Variants in ATXN1 observed in about 807,000 individuals in gnomAD.
ATXN1 encodes the protein ataxin-1.
In ATXN1, 8 loss-of-function variants were observed where a neutral mutation model predicts 56.4. That is an observed-to-expected ratio of 0.14 (90% confidence interval 0.08 to 0.26). The LOEUF is 0.26. Ranked by LOEUF, ATXN1 falls within the 10% of genes least tolerant of loss-of-function variation. The probability of loss-of-function intolerance (pLI) is 1.00; values close to 1 mark genes in which losing one functional copy is unlikely to be tolerated. For synonymous variants in ATXN1, 514 were observed against 494.6 expected (o/e 1.04, Z -0.52); for missense variants, 987 against 1,106.5 (o/e 0.89, Z 1.53).
At chr6:16,450,056 G>T (rs1345346571) in intron 6 of ATXN1, among the ~76,000 whole-genome samples, 2 of 152,146 alleles carry the variant, frequency 1.3e-5, no homozygotes, top group Non-Finnish European at 2.9e-5. Context: ...CGTTTCATAT[G>T]TTGAGGTTTC....
intron 4 of ATXN1, among the ~76,000 whole-genome samples, chr6:16,548,894 G>C (rs1160347246): frequency 1.3e-5 from 2 of 152,200 alleles, no homozygotes; most frequent in Admixed American, 1.3e-4. Context: ...CTGCACTCCA[G>C]CCTGGGCGAC....
At chr6:16,601,294 G>A (rs1318000823) in intron 3 of ATXN1, among the ~76,000 whole-genome samples, 1 of 152,138 alleles carries the variant, frequency 6.6e-6, no homozygotes, top group Non-Finnish European at 1.5e-5. Flanking sequence ...TACATCAAAA[G>A]CTAAAACTGA....
chr6:16,719,513 C>T (rs13208251), intron 2 of ATXN1, among the ~76,000 whole-genome samples: 29,353 of 152,062 alleles, frequency 0.19, 3,393 homozygotes, highest in South Asian at 0.26. Context: ...AACCCGACAG[C>T]GAATCTGCCA....
rs59157013 is a variant in ATXN1, at chr6:16,590,844, A to ATT, written c.-488-4939_-488-4938dup. Among the ~76,000 whole-genome samples, 466 of 135,802 alleles carry ATT rather than the reference A, an allele frequency of 3.4e-3. 1 individual carries two copies. The highest frequency in any genetic ancestry group is 0.012 in the African/African-American group (432 of 37,142). 89.1% of individuals were successfully genotyped at this position (135,802 alleles called of 152,430 possible). A position where few individuals can be genotyped will look rare whatever the true frequency, so the allele number is the denominator to read the frequency against. On this transcript the variant is annotated intron_variant, in intron 3 of 7. Transcript: ENST00000436367. ...GCCACCATGCCTGGCTAATTTTTTA[A>ATT]TTTTTTTTTTTTTTTGAAACATAGT...
intron 4 of ATXN1, among the ~76,000 whole-genome samples, chr6:16,546,719 T>G (rs1468640445): frequency 1.3e-5 from 2 of 152,204 alleles, no homozygotes; most frequent in East Asian, 3.8e-4. Context: ...GGTATTTTCA[T>G]GGAGTTTCGT....
intron 6 of ATXN1, among the ~76,000 whole-genome samples, chr6:16,456,740 C>T (rs377610927): frequency 2.6e-5 from 4 of 152,202 alleles, no homozygotes; most frequent in Non-Finnish European, 5.9e-5. Flanking sequence ...AAAACCACTC[C>T]CTGTCCCTGG....
rs758854291 is a variant in ATXN1 at position 16,306,663 on chromosome 6, C to T, written c.2114G>A (p.Ser705Asn). The T allele has an allele frequency of 6.2e-7, 1 of 1,614,226 alleles. No individual in the cohort carries two copies. Among genetic ancestry groups the T allele is most frequent in the Non-Finnish European group, 8.5e-7 (1 of 1,180,050 alleles). ...VKKGQPVDPASVLLKHSKADG... is the reference protein window; with the variant it reads ...VKKGQPVDPANVLLKHSKADG... ...GGCCTTTGAGTGCTTCAGCAGGACG[C>T]TGGCGGGATCCACGGGCTGGCCCTT... Residue 705 changes from serine (S) to asparagine (N), a missense_variant, in exon 8 of 8, where the codon AGC becomes AAC. Coordinates refer to ENST00000436367, the MANE Select transcript of ATXN1 (RefSeq NM_001128164.2). This position sits in a 1 kb window ranked among gnomAD's most constrained non-coding sequence, Gnocchi z 5.2.
chr6:16,353,757 A>G (rs1465891115), intron 6 of ATXN1, among the ~76,000 whole-genome samples: 1 of 152,252 alleles, frequency 6.6e-6, no homozygotes, highest in East Asian at 1.9e-4. Context: ...TTCGTCTACG[A>G]GAATAAATAA....
intron 3 of ATXN1, among the ~76,000 whole-genome samples, chr6:16,593,773 C>T (rs1047028942): frequency 4.0e-5 from 6 of 151,224 alleles, no homozygotes; most frequent in Non-Finnish European, 8.8e-5. Flanking sequence ...ACTATAGTTC[C>T]TTCATATTCA....
intron 4 of ATXN1, among the ~76,000 whole-genome samples, chr6:16,552,812 C>T (rs991880784): frequency 2.6e-5 from 4 of 152,200 alleles, no homozygotes; most frequent in African/African-American, 9.6e-5. Flanking sequence ...TGTTCAGCTG[C>T]ACTCTGCGCT....
chr6:16,589,129 C>T (rs559511783), intron 3 of ATXN1, among the ~76,000 whole-genome samples: 18 of 152,142 alleles, frequency 1.2e-4, no homozygotes, highest in Admixed American at 6.5e-4. Context: ...GGGCTGGGGA[C>T]GCTTCTCTGT....
chr6:16,748,526 C>T (rs1440638056), intron 2 of ATXN1, among the ~76,000 whole-genome samples: 1 of 152,188 alleles, frequency 6.6e-6, no homozygotes, highest in Non-Finnish European at 1.5e-5. Context: ...CCACAGTTTC[C>T]TCGCCTGTGC....
At chr6:16,311,336 T>C (rs1428204065) in intron 7 of ATXN1, among the ~76,000 whole-genome samples, 1 of 152,208 alleles carries the variant, frequency 6.6e-6, no homozygotes, top group Non-Finnish European at 1.5e-5. Context: ...CCCATTTTCT[T>C]TTTTCTGTGC....
chr6:16,429,481 G>A (rs1379917733), intron 6 of ATXN1, among the ~76,000 whole-genome samples: 1 of 138,300 alleles, frequency 7.2e-6, no homozygotes, highest in African/African-American at 2.7e-5. Flanking sequence ...GCAGTGGTAC[G>A]ATCTCAGCTG....
At chr6:16,549,896 CAAAA>C (rs66603893) in intron 4 of ATXN1, among the ~76,000 whole-genome samples, 6 of 66,784 alleles carry the variant, frequency 9.0e-5, no homozygotes, top group Non-Finnish European at 1.1e-4. Flanking sequence ...AACTCTGTCT[CAAAA>C]AAAAAAAAAA....
At chr6:16,466,722 C>A (rs185185134) in intron 6 of ATXN1, among the ~76,000 whole-genome samples, 18 of 152,242 alleles carry the variant, frequency 1.2e-4, no homozygotes, top group African/African-American at 4.1e-4. Context: ...CATAGAAAAT[C>A]TTCTGGAAGA....
chr6:16,626,962 T>A (rs1225120832), intron 3 of ATXN1, among the ~76,000 whole-genome samples: 1 of 152,158 alleles, frequency 6.6e-6, no homozygotes, highest in African/African-American at 2.4e-5. Flanking sequence ...TCTAGAATCA[T>A]AAGAAAATAA....
chr6:16,370,254 G>T (rs565819298), intron 6 of ATXN1, among the ~76,000 whole-genome samples: 1 of 152,210 alleles, frequency 6.6e-6, no homozygotes, highest in South Asian at 2.1e-4. Context: ...GAGAGGAATT[G>T]TTCTTTCCAC....
At chr6:16,671,220 A>C (rs1355507508) in intron 2 of ATXN1, among the ~76,000 whole-genome samples, 1 of 152,166 alleles carries the variant, frequency 6.6e-6, no homozygotes, top group South Asian at 2.1e-4. Flanking sequence ...GTTTGTAATA[A>C]GAAGTATCTG....
Sources: gnomAD v4.1 joint callset for allele counts (sites outside exome capture counted in the v4.1 genomes callset) on GRCh38, gnomAD v4.1.1 for gene constraint, Gnocchi (gnomAD v3.1) non-coding constraint, MANE v1.5 for transcripts, NCBI Gene and HGNC (gene_info 2026-07-23, HGNC 2026-07-21) for gene names.